Variants in SH3PXD2A observed in about 807,000 individuals in gnomAD.
The protein encoded by SH3PXD2A is SH3 and PX domain-containing protein 2A.
Under a neutral mutation model 115.2 loss-of-function variants are expected in SH3PXD2A, and 32 were observed. The observed-to-expected ratio is 0.28, with a 90% confidence interval of 0.21 to 0.37. The LOEUF (loss-of-function observed/expected upper bound fraction) is 0.37. Ranked by LOEUF, SH3PXD2A falls within the 10% of genes least tolerant of loss-of-function variation. The pLI, the probability that SH3PXD2A is intolerant of heterozygous loss-of-function variation, is 1.00. For synonymous variants in SH3PXD2A, 610 were observed against 629.1 expected (o/e 0.97, Z 0.45); for missense variants, 1,328 against 1,498.7 (o/e 0.89, Z 1.88).
intron 1 of SH3PXD2A, among the ~76,000 whole-genome samples, chr10:103,849,924 A>G (rs1487373028): frequency 6.6e-6 from 1 of 152,110 alleles, no homozygotes; most frequent in Non-Finnish European, 1.5e-5. Context: ...GTATAACTCT[A>G]TTATTTGTTT....
intron 1 of SH3PXD2A, among the ~76,000 whole-genome samples, chr10:103,817,162 A>G (rs1361760168): frequency 6.8e-6 from 1 of 146,936 alleles, no homozygotes; most frequent in Admixed American, 6.8e-5. Flanking sequence ...TTTTTTTTTA[A>G]CTTTTATTTT....
At chr10:103,681,461 G>A (rs563442596) in intron 6 of SH3PXD2A, among the ~76,000 whole-genome samples, 17 of 152,334 alleles carry the variant, frequency 1.1e-4, no homozygotes, top group Admixed American at 2.0e-4. Context: ...CAGAAGCCCT[G>A]GGAAGCCTGT....
chr10:103,730,191 T>C (rs1031589886), intron 4 of SH3PXD2A, among the ~76,000 whole-genome samples: 2 of 151,766 alleles, frequency 1.3e-5, no homozygotes, highest in African/African-American at 4.8e-5. Context: ...CAGGATCAAT[T>C]GCTTCTCTCT....
intron 2 of SH3PXD2A, among the ~76,000 whole-genome samples, chr10:103,792,831 T>C (rs557905689): frequency 1.3e-5 from 2 of 152,222 alleles, no homozygotes; most frequent in African/African-American, 4.8e-5. Context: ...AAGATTCCAG[T>C]TGGACAAGAT....
At chr10:103,785,709 G>T (rs1448466310) in intron 2 of SH3PXD2A, among the ~76,000 whole-genome samples, 1 of 152,074 alleles carries the variant, frequency 6.6e-6, no homozygotes, top group African/African-American at 2.4e-5. Flanking sequence ...GTCTCCTGAG[G>T]AGGGGAAGCA....
chr10:103,681,441 A>G (rs10883901), intron 6 of SH3PXD2A, among the ~76,000 whole-genome samples: 134,119 of 152,258 alleles, frequency 0.88, 59,198 homozygotes, highest in East Asian at 1. Context: ...ACGCAACCCT[A>G]GCTTGATTTC....
chr10:103,776,468 GTGTA>G (rs2038880971), intron 2 of SH3PXD2A, among the ~76,000 whole-genome samples: 1 of 148,628 alleles, frequency 6.7e-6, no homozygotes, highest in South Asian at 2.2e-4. Flanking sequence ...GTGTGTGTGT[GTGTA>G]TTCTAACTAT....
intron 1 of SH3PXD2A, among the ~76,000 whole-genome samples, chr10:103,803,544 G>A (rs1000743387): frequency 1.3e-5 from 2 of 152,156 alleles, no homozygotes; most frequent in Admixed American, 6.5e-5. Context: ...AAGAAGGTGA[G>A]GCTCAGAGAA....
At chr10:103,767,067 C>A (rs1195658800) in intron 3 of SH3PXD2A, 27 bp downstream of exon 3, 2 of 1,586,834 alleles carry the variant, frequency 1.3e-6, no homozygotes. Flanking sequence ...TATCCCCCAT[C>A]CCTGGGTGGA....
At chr10:103,771,923 A>C (rs2038826841) in intron 2 of SH3PXD2A, among the ~76,000 whole-genome samples, 1 of 152,010 alleles carries the variant, frequency 6.6e-6, no homozygotes, top group African/African-American at 2.4e-5. Context: ...CTGTCACCTA[A>C]TCCCACCACC....
At chr10:103,606,607 G>C (rs1237283462) in intron 13 of SH3PXD2A, among the ~76,000 whole-genome samples, 1 of 151,660 alleles carries the variant, frequency 6.6e-6, no homozygotes, top group Non-Finnish European at 1.5e-5. Context: ...TGATTCTCCT[G>C]CCTCAGCCTG....
intron 1 of SH3PXD2A, among the ~76,000 whole-genome samples, chr10:103,825,070 G>A (rs984531614): frequency 1.3e-5 from 2 of 152,202 alleles, no homozygotes; most frequent in African/African-American, 2.4e-5. Context: ...CCAAAGTGCT[G>A]AGCCATTGTG....
intron 5 of SH3PXD2A, among the ~76,000 whole-genome samples, chr10:103,707,841 C>A (rs1225273820): frequency 1.3e-5 from 2 of 152,044 alleles, no homozygotes; most frequent in Admixed American, 6.6e-5. Flanking sequence ...TTGTGTGTGT[C>A]TCTCTCTACC....
chr10:103,748,039 T>C (rs1211479626), intron 3 of SH3PXD2A, among the ~76,000 whole-genome samples: 1 of 151,872 alleles, frequency 6.6e-6, no homozygotes, highest in Non-Finnish European at 1.5e-5. Context: ...CAGCATTTTC[T>C]GTGGTTCCAC....
intron 1 of SH3PXD2A, among the ~76,000 whole-genome samples, chr10:103,825,856 C>T (rs4399264): frequency 0.17 from 25,394 of 151,380 alleles, 2,882 homozygotes; most frequent in East Asian, 0.41. Flanking sequence ...CTCCACCTCC[C>T]GGGTTCTCGC....
intron 5 of SH3PXD2A, among the ~76,000 whole-genome samples, chr10:103,719,722 T>TC (rs2038156860): frequency 4.3e-5 from 2 of 46,128 alleles, no homozygotes; most frequent in Non-Finnish European, 8.4e-5. Context: ...TTTTTCTTTC[T>TC]TTTTTTTTTT....
At chr10:103,852,298 C>T (rs763082553) in intron 1 of SH3PXD2A, among the ~76,000 whole-genome samples, 6 of 152,254 alleles carry the variant, frequency 3.9e-5, no homozygotes, top group African/African-American at 7.2e-5. Context: ...CAGGACCCTT[C>T]GTGTTCAGGC....
At position 103,781,151 on chromosome 10, in the gene SH3PXD2A, A is replaced by C. The variant is rs534629936; in HGVS notation, c.154-13982T>G. Among the ~76,000 whole-genome samples the C allele has an allele frequency of 2.2e-4, 33 of 152,334 alleles. No individual in the cohort carries two copies. In the South Asian group the frequency reaches 6.0e-3, roughly 28 times the overall value. On this transcript the variant is annotated intron_variant, in intron 2 of 14. Coordinates refer to ENST00000369774, the MANE Select transcript of SH3PXD2A (RefSeq NM_001394015.1). ...CTTCCAAAAGCCTGTGAGCTTCTTG[A>C]AAGTCATGTCTGTGCCTTGATATTT...
rs1205515375 is a variant in SH3PXD2A at position 103,603,472 on chromosome 10, C to G, written c.1746G>C (p.Gly582=). The G allele has an allele frequency of 6.2e-7, 1 of 1,611,564 alleles. No individual in the cohort carries two copies. The highest frequency in any genetic ancestry group is 8.5e-7 in the Non-Finnish European group (1 of 1,178,824). The change falls in exon 15 of 15, where the codon GGG becomes GGC. Residue 582 remains glycine, a synonymous_variant. Coordinates refer to ENST00000369774, the MANE Select transcript of SH3PXD2A (RefSeq NM_001394015.1). The part of the protein sequence containing the change: ...SEEPVEDRAS[G]ERRPAQPHRP... ...GGTGGGGCTGGGCAGGCCGCCTCTC[C>G]CCTGAGGCTCTGTCCTCCACGGGCT...
Sources: gnomAD v4.1 joint callset for allele counts (sites outside exome capture counted in the v4.1 genomes callset) on GRCh38, gnomAD v4.1.1 for gene constraint, MANE v1.5 for transcripts, NCBI Gene and HGNC (gene_info 2026-07-23, HGNC 2026-07-21) for gene names.